PTBP3: variants seen among roughly 807,000 people sequenced by gnomAD.
PTBP3 encodes the protein polypyrimidine tract binding protein 3.
Under a neutral mutation model 58.7 loss-of-function variants are expected in PTBP3, and 20 were observed. That is an observed-to-expected ratio of 0.34 (90% CI 0.24 to 0.50). The LOEUF (loss-of-function observed/expected upper bound fraction) is 0.50. Among genes scored for constraint, PTBP3 ranks in the 20% least tolerant of loss-of-function variants. The pLI is 0.98. For synonymous variants in PTBP3, 185 were observed against 219.8 expected (o/e 0.84, Z 1.40); for missense variants, 509 against 637.2 (o/e 0.80, Z 2.17).
upstream of PTBP3, among the ~76,000 whole-genome samples, chr9:112,334,326 G>C (rs1830519355): frequency 6.6e-6 from 1 of 152,122 alleles, no homozygotes; most frequent in Non-Finnish European, 1.5e-5. Context: ...AACATGGAAT[G>C]GCTATATTCC....
At chr9:112,262,653 T>A in intron 4 of PTBP3, 54 bp from the exon 5 acceptor site, 2 of 1,448,634 alleles carry the variant, frequency 1.4e-6, no homozygotes. Context: ...ATTATATGAA[T>A]CCTAAAATTT....
At chr9:112,359,011 A>G in the PTBP3 span, among the ~76,000 whole-genome samples, 2 of 152,052 alleles carry the variant, frequency 1.3e-5, no homozygotes, top group African/African-American at 4.8e-5. Context: ...AAATTTTTAT[A>G]ATTTTTTGTA....
intron 1 of PTBP3, among the ~76,000 whole-genome samples, chr9:112,321,079 C>T (rs1829927624): frequency 6.6e-6 from 1 of 152,000 alleles, no homozygotes. Flanking sequence ...AACAAACAAG[C>T]CACAGACAGG....
chr9:112,300,325 C>G (rs372789297), intron 1 of PTBP3, among the ~76,000 whole-genome samples: 1 of 152,202 alleles, frequency 6.6e-6, no homozygotes, highest in Non-Finnish European at 1.5e-5. Flanking sequence ...TATTTGTACT[C>G]GTCAAACTGG....
At chr9:112,332,703 T>C in intron 1 of PTBP3, 1 of 1,534,454 alleles carries the variant, frequency 6.5e-7, no homozygotes, top group Non-Finnish European at 8.9e-7. Flanking sequence ...TAAATCTTTT[T>C]ATTTTGGTCA....
chr9:112,309,808 A>G (rs1222451176), intron 1 of PTBP3, among the ~76,000 whole-genome samples: 1 of 151,826 alleles, frequency 6.6e-6, no homozygotes, highest in East Asian at 1.9e-4. Flanking sequence ...AAAAAAATTG[A>G]GTAATAACTA....
chr9:112,228,558 T>C (rs2131961356), intron 10 of PTBP3, 86 bp from the exon 11 acceptor site: 1 of 886,200 alleles, frequency 1.1e-6, no homozygotes, highest in Non-Finnish European at 1.6e-6. Context: ...AAGAAGGCAT[T>C]TCTTACTCTC....
the PTBP3 span, among the ~76,000 whole-genome samples, chr9:112,356,593 A>AAT: frequency 6.6e-6 from 1 of 150,978 alleles, no homozygotes; most frequent in East Asian, 1.9e-4. Flanking sequence ...AAAAAAAAAA[A>AAT]TGGTGAAATA....
At chr9:112,300,891 T>C (rs1290771080) in intron 1 of PTBP3, among the ~76,000 whole-genome samples, 3 of 150,968 alleles carry the variant, frequency 2.0e-5, no homozygotes, top group Non-Finnish European at 4.4e-5. Flanking sequence ...AGGTCAAGAG[T>C]TCAAGACCAA....
intron 1 of PTBP3, chr9:112,332,636 G>T: frequency 1.1e-6 from 1 of 938,862 alleles, no homozygotes; most frequent in Non-Finnish European, 1.5e-6. Flanking sequence ...ACCAAAATAT[G>T]TCAAGTCCCA....
rs10119851 is a variant in PTBP3 at position 112,300,700 on chromosome 9, C to T, written c.-51-2784G>A. Among the ~76,000 whole-genome samples, 5 of 151,892 alleles carry T rather than the reference C, an allele frequency of 3.3e-5. No homozygotes were observed. The East Asian group carries it at 9.7e-4, about 29-fold the overall frequency. On this transcript the variant is annotated intron_variant, in intron 1 of 13. Transcript: ENST00000374257. ...CCGGGAGGCAGAGATTGCAGTGAGC[C>T]GAGATCACGCCACTGCACTCCAGCC...
At chr9:112,368,295 T>C in the PTBP3 span, among the ~76,000 whole-genome samples, 8 of 152,320 alleles carry the variant, frequency 5.3e-5, no homozygotes, top group Non-Finnish European at 1.2e-4. Context: ...CTCGGCCTCC[T>C]GAGTAGCTGG....
At chr9:112,333,984 C>A (rs1161560829), upstream of PTBP3, among the ~76,000 whole-genome samples, 3 of 151,080 alleles carry the variant, frequency 2.0e-5, no homozygotes, top group African/African-American at 7.3e-5. Flanking sequence ...GCAGACCGGG[C>A]CTGCCAGGTT....
At chr9:112,361,759 T>C in the PTBP3 span, among the ~76,000 whole-genome samples, 2 of 152,120 alleles carry the variant, frequency 1.3e-5, no homozygotes, top group African/African-American at 4.8e-5. Context: ...GTGGAATTGC[T>C]CTTTTGACTG....
At position 112,228,392 on chromosome 9, in the gene PTBP3, G is replaced by A; in HGVS notation, c.1135C>T (p.Gln379Ter). ...NALVQMADAN[Q>*]AQLAMNHLSG... ...TAATCATTAGTACCTAGCTGAGCTT[G>A]ATTTGCATCCGCCATCTGAACCAAG... The change falls in exon 11 of 14, where the codon CAA becomes TAA. Residue 379 changes from glutamine to a stop codon, truncating the protein, a stop_gained. Coordinates refer to ENST00000374257, the MANE Select transcript of PTBP3 (RefSeq NM_001163788.4). LOFTEE classifies it high-confidence loss of function. 2.5e-6 allele frequency: 4 copies of A among 1,601,626 alleles called. No homozygotes were observed. Among genetic ancestry groups the A allele is most frequent in the Non-Finnish European group, 3.4e-6 (4 of 1,175,854 alleles).
chr9:112,372,595 C>T, the PTBP3 span, among the ~76,000 whole-genome samples: 19 of 152,170 alleles, frequency 1.2e-4, no homozygotes, highest in Admixed American at 1.2e-3. Flanking sequence ...CTGGCAGCCA[C>T]CAATCTGCTT....
the PTBP3 span, among the ~76,000 whole-genome samples, chr9:112,378,799 T>A: frequency 6.6e-6 from 1 of 152,190 alleles, no homozygotes; most frequent in Non-Finnish European, 1.5e-5. Context: ...CTCTGGAGCC[T>A]CTAAAGACCG....
chr9:112,346,558 A>G, the PTBP3 span, among the ~76,000 whole-genome samples: 1 of 152,342 alleles, frequency 6.6e-6, no homozygotes, highest in South Asian at 2.1e-4. Flanking sequence ...ACAGGTACCA[A>G]CCTCATACCC....
At position 112,234,840 on chromosome 9, in the gene PTBP3, A is replaced by G. The variant is rs542958055; in HGVS notation, c.860T>C (p.Ile287Thr). ...YAGAAGFAPAIGFPQATGLSV... is the reference protein window; with the variant it reads ...YAGAAGFAPATGFPQATGLSV... ...ATCACCTGTAGCTTGAGGAAATCCA[A>G]TGGCTGGGGCAAATCCAGCAGCCCC... The change falls in exon 8 of 14, where the codon ATT (isoleucine) becomes ACT (threonine). Residue 287 changes from isoleucine (I) to threonine (T), a missense_variant. Around this residue, in one of 4 missense-constraint regions of PTBP3, gnomAD observed 121 missense variants for 114.8 expected, o/e 1.05. Coordinates refer to ENST00000374257, the MANE Select transcript of PTBP3 (RefSeq NM_001163788.4). 3.7e-6 allele frequency: 6 copies of G among 1,612,862 alleles called. No individual in the cohort carries two copies. The South Asian group carries it at 4.4e-5, about 12-fold the overall frequency.
Sources: allele counts gnomAD v4.1 joint callset (sites outside exome capture counted in the v4.1 genomes callset), GRCh38; gene constraint gnomAD v4.1.1; regional missense constraint gnomAD v4.1.1; transcripts MANE v1.5; gene names NCBI Gene and HGNC (gene_info 2026-07-23, HGNC 2026-07-21).